The following EYS variants were observed in gnomAD, a reference collection of about 807,000 sequenced individuals.
EYS encodes EGF-like photoreceptor maintenance factor.
EYS carries 250 observed loss-of-function variants against 282.1 expected under a neutral mutation model. That is an observed-to-expected ratio of 0.89 (90% confidence interval 0.80 to 0.98). The LOEUF (loss-of-function observed/expected upper bound fraction) is 0.98, where lower values mean the gene tolerates loss of function less well. Ranked by LOEUF, EYS falls within the 50% of genes least tolerant of loss-of-function variation. The pLI is 0.00. For synonymous variants in EYS, 1,355 were observed against 1,282.9 expected (o/e 1.06, Z -1.20); for missense variants, 4,016 against 3,709.0 (o/e 1.08, Z -2.15).
intron 28 of EYS, among the ~76,000 whole-genome samples, chr6:64,429,614 G>C (rs1006825118): frequency 6.6e-6 from 1 of 152,164 alleles, no homozygotes; most frequent in African/African-American, 2.4e-5. Flanking sequence ...CTGGGTGATG[G>C]AGCAGGATTC....
intron 13 of EYS, among the ~76,000 whole-genome samples, chr6:65,034,232 T>C (rs1349364358): frequency 6.6e-6 from 1 of 152,160 alleles, no homozygotes; most frequent in Non-Finnish European, 1.5e-5. Flanking sequence ...CAGGATCACA[T>C]GTAGAAGGGA....
intron 8 of EYS, among the ~76,000 whole-genome samples, chr6:65,363,365 C>T (rs1198223383): frequency 6.6e-6 from 1 of 151,842 alleles, no homozygotes; most frequent in Non-Finnish European, 1.5e-5. Context: ...ATTAAATAAA[C>T]AATCAATTAA....
chr6:65,023,519 C>T (rs1037194271), intron 13 of EYS, among the ~76,000 whole-genome samples: 23 of 151,916 alleles, frequency 1.5e-4, no homozygotes, highest in African/African-American at 5.6e-4. Flanking sequence ...GATTTCCTGC[C>T]GTTGACATAT....
Position 64,592,008 on chromosome 6 carries a change from C to A in EYS, c.3878-19G>T. 6.9e-7 allele frequency: 1 copy of A among 1,441,254 alleles called. No individual in the cohort carries two copies. The allele number at this position is 1,441,254 out of a possible 1,614,324, so 89.3% of individuals were successfully genotyped here. A position where few individuals can be genotyped will look rare whatever the true frequency, so the allele number is the denominator to read the frequency against. On this transcript the variant is annotated intron_variant, in intron 25 of 42. Transcript: ENST00000503581. ...TTTGGACCTACAAAAAGGAAAAAAGCCAAAAAGGTTAGAAAAATGAATCAG... is the reference window on the plus strand; with the variant it reads ...TTTGGACCTACAAAAAGGAAAAAAGACAAAAAGGTTAGAAAAATGAATCAG...
chr6:65,194,984 A>G (rs1396096087), intron 12 of EYS, among the ~76,000 whole-genome samples: 1 of 151,944 alleles, frequency 6.6e-6, no homozygotes, highest in African/African-American at 2.4e-5. Flanking sequence ...ATTTTATTAC[A>G]AAGGCTGTAT....
At chr6:64,756,043 A>G (rs1332566064) in intron 22 of EYS, among the ~76,000 whole-genome samples, 2 of 152,140 alleles carry the variant, frequency 1.3e-5, no homozygotes, top group Non-Finnish European at 2.9e-5. Flanking sequence ...TCTCTAGCAA[A>G]TCATTAGCAA....
intron 22 of EYS, among the ~76,000 whole-genome samples, chr6:64,629,220 A>G (rs1016672936): frequency 6.6e-6 from 1 of 152,120 alleles, no homozygotes; most frequent in Non-Finnish European, 1.5e-5. Flanking sequence ...CCATGGTTAC[A>G]CTGGTGTTAT....
intron 19 of EYS, among the ~76,000 whole-genome samples, chr6:64,884,320 GT>G (rs1232720202): frequency 2.0e-5 from 3 of 151,180 alleles, no homozygotes; most frequent in African/African-American, 7.3e-5. Context: ...TTCAAATTTT[GT>G]TTTTTTCTGA....
intron 31 of EYS, among the ~76,000 whole-genome samples, chr6:64,211,576 T>A (rs924139811): frequency 2.2e-5 from 3 of 138,120 alleles, no homozygotes; most frequent in Admixed American, 7.4e-5. Flanking sequence ...TATATATATT[T>A]TTTTTCATAT....
chr6:63,764,220 C>A (rs1402009361), intron 40 of EYS, among the ~76,000 whole-genome samples: 2 of 151,890 alleles, frequency 1.3e-5, no homozygotes, highest in Non-Finnish European at 2.9e-5. Context: ...CCTTCCCAGA[C>A]CTTTTATTTA....
intron 12 of EYS, among the ~76,000 whole-genome samples, chr6:65,257,408 A>T (rs1419972894): frequency 8.5e-6 from 1 of 117,486 alleles, no homozygotes; most frequent in Non-Finnish European, 1.7e-5. Context: ...TTTTAGGTCT[A>T]ACATTTAAGT....
chr6:63,723,422 AT>A (rs1582142540), intron 42 of EYS, among the ~76,000 whole-genome samples: 3 of 152,332 alleles, frequency 2.0e-5, no homozygotes, highest in Admixed American at 6.5e-5. Flanking sequence ...CAAACCAGTT[AT>A]CTTTTGCAAG....
At chr6:63,986,941 A>C (rs1253893030) in intron 34 of EYS, among the ~76,000 whole-genome samples, 1 of 130,934 alleles carries the variant, frequency 7.6e-6, no homozygotes, top group Admixed American at 7.3e-5. Context: ...AAAGTTAAAA[A>C]ACAAAAAAAA....
intron 18 of EYS, among the ~76,000 whole-genome samples, chr6:64,893,710 C>T (rs1767362583): frequency 2.6e-5 from 4 of 151,900 alleles, no homozygotes; most frequent in African/African-American, 9.7e-5. Flanking sequence ...CCTGTATGCC[C>T]ATCACCCATA....
chr6:65,632,069 T>A (rs1766932848), intron 2 of EYS, among the ~76,000 whole-genome samples: 1 of 152,082 alleles, frequency 6.6e-6, no homozygotes, highest in Admixed American at 6.6e-5. Context: ...AGAAGTGGGA[T>A]TCAAACTTGC....
At chr6:65,211,882 A>G (rs1766184597) in intron 12 of EYS, among the ~76,000 whole-genome samples, 1 of 152,048 alleles carries the variant, frequency 6.6e-6, no homozygotes, top group African/African-American at 2.4e-5. Flanking sequence ...TATCACTCAG[A>G]GGAAACCCAA....
chr6:64,107,046 T>A (rs1210551233), intron 31 of EYS, among the ~76,000 whole-genome samples: 1 of 151,320 alleles, frequency 6.6e-6, no homozygotes, highest in East Asian at 1.9e-4. Context: ...TCTCTCTGCT[T>A]ACATTATTAC....
At chr6:65,272,391 C>T (rs80262071) in intron 12 of EYS, among the ~76,000 whole-genome samples, 1,631 of 152,198 alleles carry the variant, frequency 0.011, 31 homozygotes, top group African/African-American at 0.038. Flanking sequence ...TCATTTCATT[C>T]AGCCTGCAGT....
chr6:63,948,452 C>T (rs570985687), intron 35 of EYS, among the ~76,000 whole-genome samples: 2 of 152,320 alleles, frequency 1.3e-5, no homozygotes, highest in East Asian at 3.9e-4. Flanking sequence ...ATGTCAGCTG[C>T]ACTGATGCCT....
Sources: allele counts gnomAD v4.1 joint callset (sites outside exome capture counted in the v4.1 genomes callset), GRCh38; gene constraint gnomAD v4.1.1; transcripts MANE v1.5; gene names NCBI Gene and HGNC (gene_info 2026-07-23, HGNC 2026-07-21).